DCC: variants seen among roughly 807,000 people sequenced by gnomAD.
DCC encodes the protein DCC netrin 1 receptor, also known as netrin receptor DCC.
Under a neutral mutation model 172.5 loss-of-function variants are expected in DCC, and 58 were observed. The observed-to-expected ratio is 0.34, with a 90% CI of 0.27 to 0.42. The LOEUF (loss-of-function observed/expected upper bound fraction) is 0.42. Among genes scored for constraint, DCC ranks in the 10% least tolerant of loss-of-function variants. The pLI is 1.00. For missense variants in DCC, 1,740 were observed against 1,791.0 expected (o/e 0.97, Z 0.51); for synonymous variants, 709 against 644.5 (o/e 1.10, Z -1.52).
intron 19 of DCC, among the ~76,000 whole-genome samples, chr18:53,409,383 C>T (rs551636100): frequency 1.2e-4 from 18 of 152,144 alleles, no homozygotes; most frequent in South Asian, 2.1e-4. Flanking sequence ...CTTAAGAAAA[C>T]GACTTACAAA....
chr18:52,418,234 G>GTT (rs903176208), intron 1 of DCC, among the ~76,000 whole-genome samples: 95 of 152,276 alleles, frequency 6.2e-4, no homozygotes, highest in African/African-American at 2.2e-3. Flanking sequence ...TCTGCCATTA[G>GTT]TTTTTTAATA....
chr18:52,431,195 C>A (rs1987609567), intron 1 of DCC, among the ~76,000 whole-genome samples: 1 of 151,956 alleles, frequency 6.6e-6, no homozygotes, highest in Admixed American at 6.6e-5. Flanking sequence ...GAGTTGGGAC[C>A]CAGCAAGCTG....
At chr18:53,403,112 ACACACACGT>A (rs1568109681) in intron 19 of DCC, among the ~76,000 whole-genome samples, 1 of 108,024 alleles carries the variant, frequency 9.3e-6, no homozygotes, top group Admixed American at 9.2e-5. Flanking sequence ...ACACACACAC[ACACACACGT>A]CATTTGATTT....
At chr18:52,887,082 A>T (rs2039580938) in intron 2 of DCC, among the ~76,000 whole-genome samples, 1 of 152,182 alleles carries the variant, frequency 6.6e-6, no homozygotes, top group Non-Finnish European at 1.5e-5. Flanking sequence ...GTAAATGCAT[A>T]TGAGAACACG....
chr18:53,416,840 C>T (rs1342663303), intron 21 of DCC, among the ~76,000 whole-genome samples: 2 of 152,066 alleles, frequency 1.3e-5, no homozygotes, highest in African/African-American at 2.4e-5. Flanking sequence ...TTACTATTAC[C>T]GTGATTTGTA....
chr18:52,378,677 G>T (rs1343344923), intron 1 of DCC, among the ~76,000 whole-genome samples: 2 of 151,986 alleles, frequency 1.3e-5, no homozygotes, highest in Non-Finnish European at 2.9e-5. Flanking sequence ...CTCCCAGGAA[G>T]CTGAGACTAC....
At chr18:52,465,159 T>G (rs1312760887) in intron 1 of DCC, among the ~76,000 whole-genome samples, 1 of 152,146 alleles carries the variant, frequency 6.6e-6, no homozygotes, top group Non-Finnish European at 1.5e-5. Context: ...GTAGCTCTTC[T>G]AAGCTTTTAA....
chr18:52,940,126 G>A (rs1235825076), intron 5 of DCC, among the ~76,000 whole-genome samples: 1 of 152,074 alleles, frequency 6.6e-6, no homozygotes, highest in African/African-American at 2.4e-5. Context: ...TTTGAGAAAA[G>A]GAAGACCATC....
intron 12 of DCC, among the ~76,000 whole-genome samples, chr18:53,298,199 ATTG>A (rs2057089552): frequency 6.6e-6 from 1 of 152,136 alleles, no homozygotes; most frequent in East Asian, 1.9e-4. Flanking sequence ...ACTAAGCACA[ATTG>A]TTCTCTCTTT....
At chr18:53,349,811 C>T (rs538692477) in intron 15 of DCC, among the ~76,000 whole-genome samples, 1 of 152,262 alleles carries the variant, frequency 6.6e-6, no homozygotes, top group African/African-American at 2.4e-5. Context: ...CACCACAAAC[C>T]AGGTTCCTCC....
At chr18:52,503,246 T>A (rs1054792788) in intron 1 of DCC, among the ~76,000 whole-genome samples, 2 of 152,182 alleles carry the variant, frequency 1.3e-5, no homozygotes, top group African/African-American at 4.8e-5. Flanking sequence ...CAAGTCACTG[T>A]TAAACTAGGA....
chr18:52,359,894 C>T (rs1353146564), intron 1 of DCC, among the ~76,000 whole-genome samples: 1 of 152,106 alleles, frequency 6.6e-6, no homozygotes, highest in African/African-American at 2.4e-5. Context: ...AAAAGTGAGA[C>T]ACCAAAAAGT....
chr18:52,356,730 C>A (rs375884126), intron 1 of DCC, among the ~76,000 whole-genome samples: 4 of 151,934 alleles, frequency 2.6e-5, no homozygotes, highest in Non-Finnish European at 5.9e-5. Flanking sequence ...AGAGTAGGGG[C>A]CAGCTATTTA....
At chr18:53,149,143 G>A (rs8092150) in intron 7 of DCC, among the ~76,000 whole-genome samples, 10,684 of 152,000 alleles carry the variant, frequency 0.07, 622 homozygotes, top group African/African-American at 0.16. Flanking sequence ...TTACAGGCAT[G>A]AGCCACCACG....
At chr18:53,206,675 A>T (rs1168986116) in intron 10 of DCC, among the ~76,000 whole-genome samples, 1 of 147,558 alleles carries the variant, frequency 6.8e-6, no homozygotes, top group Non-Finnish European at 1.5e-5. Flanking sequence ...TATAATGCAT[A>T]TATATATGTA....
chr18:53,241,502 C>T (rs993155209), intron 12 of DCC, among the ~76,000 whole-genome samples: 3 of 152,040 alleles, frequency 2.0e-5, no homozygotes, highest in African/African-American at 7.2e-5. Context: ...GTTTCATGGT[C>T]CCTGGGGCTG....
chr18:52,551,711 AC>A (rs2032774578), intron 1 of DCC, among the ~76,000 whole-genome samples: 1 of 148,470 alleles, frequency 6.7e-6, no homozygotes, highest in African/African-American at 2.5e-5. Context: ...TCCCTTTATC[AC>A]CCCTTACTCT....
intron 28 of DCC, chr18:53,527,058 A>G: frequency 2.5e-6 from 1 of 401,148 alleles, no homozygotes; most frequent in South Asian, 2.2e-5. Context: ...TGTACATAAT[A>G]TATACATATA....
chr18:52,389,558 A>G (rs1018917371), intron 1 of DCC, among the ~76,000 whole-genome samples: 1 of 152,130 alleles, frequency 6.6e-6, no homozygotes, highest in Non-Finnish European at 1.5e-5. Context: ...ATTCTGAATT[A>G]TTGTAATACT....
Sources: allele counts gnomAD v4.1 joint callset (sites outside exome capture counted in the v4.1 genomes callset), GRCh38; gene constraint gnomAD v4.1.1; transcripts MANE v1.5; gene names NCBI Gene and HGNC (gene_info 2026-07-23, HGNC 2026-07-21).